The following PHF2 variants were observed in gnomAD, a reference collection of about 807,000 sequenced individuals.
The protein encoded by PHF2 is lysine-specific demethylase PHF2.
PHF2 carries 27 observed loss-of-function variants against 120.5 expected under a neutral mutation model. The observed-to-expected ratio is 0.22, with a 90% CI of 0.17 to 0.31. The LOEUF (loss-of-function observed/expected upper bound fraction) is 0.31. Ranked by LOEUF, PHF2 falls within the 10% of genes least tolerant of loss-of-function variation. The probability of loss-of-function intolerance (pLI) is 1.00; values close to 1 mark genes in which losing one functional copy is unlikely to be tolerated. For synonymous variants in PHF2, 568 were observed against 592.5 expected, an observed-to-expected ratio of 0.96 and a Z score of 0.60; for missense variants, 1,024 against 1,434.8, an observed-to-expected ratio of 0.71 and a Z score of 4.63.
chr9:93,631,917 C>T (rs1032544200), intron 2 of PHF2, among the ~76,000 whole-genome samples: 4 of 152,000 alleles, frequency 2.6e-5, no homozygotes, highest in African/African-American at 9.7e-5. Flanking sequence ...ACCCCTGGGC[C>T]AGGGGCCTCT....
At chr9:93,651,098 TA>T (rs59504471) in intron 5 of PHF2, among the ~76,000 whole-genome samples, 10 of 138,914 alleles carry the variant, frequency 7.2e-5, no homozygotes, top group East Asian at 2.1e-4. Context: ...TTTTAAAAAT[TA>T]AAAAAAAAAA....
chr9:93,655,245 G>A (rs1404286372), intron 7 of PHF2, among the ~76,000 whole-genome samples: 1 of 147,808 alleles, frequency 6.8e-6, no homozygotes, highest in African/African-American at 2.5e-5. Flanking sequence ...GCCAATTGGT[G>A]TTCAGATTTT....
At chr9:93,628,831 C>T (rs1002895318) in intron 1 of PHF2, among the ~76,000 whole-genome samples, 1 of 152,204 alleles carries the variant, frequency 6.6e-6, no homozygotes, top group Non-Finnish European at 1.5e-5. Flanking sequence ...GTGCCCTGCC[C>T]ATTATCCACT....
chr9:93,668,565 C>A (rs899334400), intron 17 of PHF2, among the ~76,000 whole-genome samples: 1 of 152,136 alleles, frequency 6.6e-6, no homozygotes, highest in African/African-American at 2.4e-5. Context: ...AGCCTGGGGG[C>A]CACCAGGTGC....
chr9:93,672,594 A>G, intron 17 of PHF2: 1 of 980,812 alleles, frequency 1.0e-6, no homozygotes, highest in Non-Finnish European at 1.2e-6. Flanking sequence ...ACCAGTGTAG[A>G]TGGAGGTGTG....
At chr9:93,673,221 G>C (rs1041807449) in intron 17 of PHF2, among the ~76,000 whole-genome samples, 1 of 151,922 alleles carries the variant, frequency 6.6e-6, no homozygotes, top group Non-Finnish European at 1.5e-5. Context: ...GGTGCAGGAG[G>C]AAGGTCACTG....
At position 93,594,678 on chromosome 9, in the gene PHF2, C is replaced by T. The variant is rs1271964274; in HGVS notation, c.98+17807C>T. 3.9e-5 allele frequency among the ~76,000 whole-genome samples: 6 copies of T among 152,296 alleles called. No homozygotes were observed. In the East Asian group the frequency reaches 7.7e-4, roughly 20 times the overall value. Reference sequence around the variant, plus strand: ...CAGTGACAGCATGAGTGGGAGAGCACATTGGGACCTTGTGCCTAAAACATG... The same window carrying T: ...CAGTGACAGCATGAGTGGGAGAGCATATTGGGACCTTGTGCCTAAAACATG... On this transcript the variant is annotated intron_variant, in intron 1 of 21. Transcript: ENST00000359246.
chr9:93,655,457 G>A (rs1285122648), intron 7 of PHF2, among the ~76,000 whole-genome samples: 3 of 152,268 alleles, frequency 2.0e-5, no homozygotes, highest in Admixed American at 1.3e-4. Context: ...CTCTGTCTCC[G>A]AGGATAACCT....
intron 3 of PHF2, 100 bp downstream of exon 3, chr9:93,636,625 A>G: frequency 1.1e-6 from 1 of 894,154 alleles, no homozygotes; most frequent in South Asian, 1.6e-5. Flanking sequence ...TTCCTTTGCT[A>G]TCCTTGCTGG....
intron 6 of PHF2, among the ~76,000 whole-genome samples, chr9:93,653,755 G>A (rs1487926760): frequency 1.3e-5 from 2 of 152,330 alleles, no homozygotes; most frequent in African/African-American, 4.8e-5. Flanking sequence ...GGAAGGCTAG[G>A]AGCCTCATCA....
chr9:93,631,562 G>T (rs1417873481), intron 2 of PHF2, among the ~76,000 whole-genome samples: 1 of 152,226 alleles, frequency 6.6e-6, no homozygotes, highest in Non-Finnish European at 1.5e-5. Context: ...TAAAGGGTAG[G>T]AAGGTTCAGC....
intron 14 of PHF2, among the ~76,000 whole-genome samples, chr9:93,665,244 A>G (rs1350829266): frequency 6.6e-6 from 1 of 152,236 alleles, no homozygotes; most frequent in Non-Finnish European, 1.5e-5. Context: ...CCAATTCAGC[A>G]TGTGCCAGGA....
At chr9:93,642,504 A>G (rs1826187567) in intron 3 of PHF2, among the ~76,000 whole-genome samples, 1 of 152,222 alleles carries the variant, frequency 6.6e-6, no homozygotes, top group South Asian at 2.1e-4. Flanking sequence ...CATGATTCTA[A>G]TATTCTAAAA....
chr9:93,659,743 C>G (rs1826525990), intron 11 of PHF2, 143 bp downstream of exon 11: 3 of 727,138 alleles, frequency 4.1e-6, no homozygotes, highest in South Asian at 1.8e-5. Context: ...CTTGCACTTT[C>G]CTGGGCAAGC....
chr9:93,615,720 T>C (rs1825720043), intron 1 of PHF2, among the ~76,000 whole-genome samples: 1 of 152,194 alleles, frequency 6.6e-6, no homozygotes, highest in Non-Finnish European at 1.5e-5. Context: ...TCCTTGACAC[T>C]TGACCTCTTC....
intron 1 of PHF2, among the ~76,000 whole-genome samples, chr9:93,599,614 G>T (rs1267678695): frequency 1.3e-5 from 2 of 152,234 alleles, no homozygotes; most frequent in African/African-American, 4.8e-5. Flanking sequence ...AGCTCATGGG[G>T]GACTGGCCTC....
intron 3 of PHF2, among the ~76,000 whole-genome samples, chr9:93,644,529 C>T (rs565286708): frequency 3.2e-4 from 49 of 152,266 alleles, no homozygotes; most frequent in African/African-American, 1.0e-3. Context: ...TGTCTGTCCG[C>T]GTCAGAGGCC....
rs1826943412 is a variant in PHF2 at position 93,677,627 on chromosome 9, G to A, written c.3242G>A (p.Arg1081Lys). ...AAGGGCATGGCGACCGCCAAGCAGA[G>A]GCTTGGGAAAATTTTGAAAATTCAT... ...TKKGMATAKQ[R>K]LGKILKIHRN... Residue 1081 changes from arginine (R) to lysine (K), a missense_variant, in exon 22 of 22, where the codon AGG becomes AAG. Transcript: ENST00000359246. The surrounding 1 kb of genome is among the most constrained non-coding windows in gnomAD (Gnocchi z 4.4). 6.2e-7 allele frequency: 1 copy of A among 1,613,808 alleles called. No homozygotes were observed. Among genetic ancestry groups the A allele is most frequent in the Non-Finnish European group, 8.5e-7 (1 of 1,179,980 alleles).
At chr9:93,668,203 A>G (rs1281793902) in intron 17 of PHF2, among the ~76,000 whole-genome samples, 1 of 152,222 alleles carries the variant, frequency 6.6e-6, no homozygotes, top group Non-Finnish European at 1.5e-5. Context: ...AATGGGAGTG[A>G]AGCATGACAG....
Sources: gnomAD v4.1 joint callset for allele counts (sites outside exome capture counted in the v4.1 genomes callset) on GRCh38, gnomAD v4.1.1 for gene constraint, Gnocchi (gnomAD v3.1) non-coding constraint, MANE v1.5 for transcripts, NCBI Gene and HGNC (gene_info 2026-07-23, HGNC 2026-07-21) for gene names.